The following POU6F1 variants were observed in gnomAD, a reference collection of about 807,000 sequenced individuals.
POU6F1 encodes POU class 6 homeobox 1.
Under a neutral mutation model 28.9 loss-of-function variants are expected in POU6F1, and 9 were observed. The ratio of observed to expected loss-of-function variants is 0.31; its 90% CI spans 0.19 to 0.54. The LOEUF is 0.54. POU6F1 is among the 20% of genes least tolerant of loss of function. The probability of loss-of-function intolerance (pLI) is 0.94; values close to 1 mark genes in which losing one functional copy is unlikely to be tolerated. For synonymous variants in POU6F1, 173 were observed against 171.1 expected, an observed-to-expected ratio of 1.01 and a Z score of -0.09; for missense variants, 338 against 426.1, an observed-to-expected ratio of 0.79 and a Z score of 1.82.
Position 51,197,966 on chromosome 12 carries a change from T to C in POU6F1, c.650A>G (p.Gln217Arg), listed in dbSNP as rs1375931956. ...CCGGGGTTGGGCCGTCGAGGAGGCCTGTACTGGTGCGGCAGCTTGTACCGG... is the reference window on the plus strand; with the variant it reads ...CCGGGGTTGGGCCGTCGAGGAGGCCCGTACTGGTGCGGCAGCTTGTACCGG... ...PAPVQAAAPV[Q>R]ASSTAQPRPP... is the part of the protein sequence containing the mutation. Residue 217 changes from glutamine to arginine, a missense_variant, in exon 6 of 11, where the codon CAG becomes CGG. Around this residue, in one of 3 missense-constraint regions of POU6F1, gnomAD observed 206 missense variants for 225.6 expected, o/e 0.91. Coordinates refer to ENST00000333640, the MANE Select transcript of POU6F1 (RefSeq NM_001330422.2). 4 of 401,136 alleles carry C rather than the reference T, an allele frequency of 1.0e-5. No individual in the cohort carries two copies. Among genetic ancestry groups the C allele is most frequent in the East Asian group, 7.1e-5 (2 of 28,122 alleles). The allele number at this position is 401,136 out of a possible 1,614,324, so 24.8% of individuals were successfully genotyped here.
chr12:51,212,756 A>G (rs1944075274), intron 1 of POU6F1, among the ~76,000 whole-genome samples: 1 of 145,972 alleles, frequency 6.9e-6, no homozygotes, highest in South Asian at 2.3e-4. Context: ...AGCCTGGGCA[A>G]CAAGAGTGAA....
At chr12:51,211,313 C>G (rs1018420692) in intron 1 of POU6F1, among the ~76,000 whole-genome samples, 2 of 152,196 alleles carry the variant, frequency 1.3e-5, no homozygotes, top group Non-Finnish European at 2.9e-5. Flanking sequence ...AGAGCCAGAG[C>G]CCACCAAGGG....
At position 51,190,043 on chromosome 12, in the gene POU6F1, G is replaced by A. The variant is rs765412703; in HGVS notation, c.*204C>T. On this transcript the variant is annotated 3_prime_UTR_variant, in exon 11 of 11. Transcript: ENST00000333640. The surrounding 1 kb of genome is among the most constrained non-coding windows in gnomAD (Gnocchi z 4.5). The stretch of plus-strand genomic sequence containing the variant: ...GACCAGCCCAGAGCCTGGAGCTCTC[G>A]TGTGGCCCCCTCTGGCCTCCCCATG... The A allele has an allele frequency of 2.1e-4, 197 of 930,494 alleles. No homozygotes were observed. The highest frequency in any genetic ancestry group is 3.5e-4 in the Middle Eastern group (1 of 2,882). The allele number at this position is 930,494 out of a possible 1,614,324, so 57.6% of individuals were successfully genotyped here.
rs1348942475 is a variant in POU6F1, at chr12:51,217,190, C to T, written c.-48+452G>A. On this transcript the variant is annotated intron_variant, in intron 1 of 10. Coordinates refer to ENST00000333640, the MANE Select transcript of POU6F1 (RefSeq NM_001330422.2). This position sits in a 1 kb window ranked among gnomAD's most constrained non-coding sequence, Gnocchi z 5.3. ...CCTGGCCGCCCCAGCTGGCCCTAACCGCCGGGAACCCAGGCGTCCGTGTTC... is the reference window on the plus strand; with the variant it reads ...CCTGGCCGCCCCAGCTGGCCCTAACTGCCGGGAACCCAGGCGTCCGTGTTC... 1.3e-5 allele frequency among the ~76,000 whole-genome samples: 2 copies of T among 152,160 alleles called. No homozygotes were observed.
intron 1 of POU6F1, among the ~76,000 whole-genome samples, chr12:51,216,958 C>A (rs1944319317): frequency 6.6e-6 from 1 of 152,092 alleles, no homozygotes; most frequent in Non-Finnish European, 1.5e-5. Context: ...GCCAGGTGAG[C>A]CTGCCCAGGG....
rs1943082281 is a variant in POU6F1, at chr12:51,199,695, T to C, written c.366+52A>G. On this transcript the variant is annotated intron_variant, in intron 4 of 10. Transcript: ENST00000333640. The surrounding 1 kb of genome is among the most constrained non-coding windows in gnomAD (Gnocchi z 4.1). ...TGGCTTCCCCATGCTGGCTGTCCCA[T>C]GCCTCGCTCCTGCCCCCGGCCTTCT... 1 of 399,034 alleles carries C rather than the reference T, an allele frequency of 2.5e-6. No homozygotes were observed. The allele number at this position is 399,034 out of a possible 1,614,324, so 24.7% of individuals were successfully genotyped here.
intron 2 of POU6F1, among the ~76,000 whole-genome samples, chr12:51,206,071 G>A (rs1474331470): frequency 6.8e-6 from 1 of 146,774 alleles, no homozygotes; most frequent in Non-Finnish European, 1.5e-5. Context: ...CACCCACCTC[G>A]GCCTCCCAAA....
In POU6F1 at chr12:51,190,805, G is replaced by A. The variant is rs1366052809; in HGVS notation, c.1491-213C>T. Among the ~76,000 whole-genome samples the A allele has an allele frequency of 6.6e-6, 1 of 152,110 alleles. No individual in the cohort carries two copies. The highest frequency in any genetic ancestry group is 6.6e-5 in the Admixed American group (1 of 15,260). On this transcript the variant is annotated intron_variant, in intron 10 of 10. Transcript: ENST00000333640. The surrounding 1 kb of genome is among the most constrained non-coding windows in gnomAD (Gnocchi z 4.5). Reference sequence around the variant, plus strand: ...CCCTCTGATGTGCCCGGTCCTAACAGGGAAACCATTCCCACGGCCTCGGCT... The same window carrying A: ...CCCTCTGATGTGCCCGGTCCTAACAAGGAAACCATTCCCACGGCCTCGGCT...
At chr12:51,206,965 G>A (rs1251789781) in intron 1 of POU6F1, 82 bp from the exon 2 acceptor site, 1 of 378,648 alleles carries the variant, frequency 2.6e-6, no homozygotes, top group East Asian at 3.8e-5. Flanking sequence ...AGTCAGAATA[G>A]AATCACAGAA....
chr12:51,194,511 C>T (rs929733247), intron 8 of POU6F1, among the ~76,000 whole-genome samples: 2 of 152,032 alleles, frequency 1.3e-5, no homozygotes, highest in African/African-American at 2.4e-5. Flanking sequence ...TGTGGTGGTG[C>T]ACACCTGTAG....
At chr12:51,205,471 T>C (rs1044550781) in intron 2 of POU6F1, among the ~76,000 whole-genome samples, 1 of 152,156 alleles carries the variant, frequency 6.6e-6, no homozygotes, top group African/African-American at 2.4e-5. Flanking sequence ...GAACACTCAG[T>C]CTCCCTCCCC....
Position 51,197,848 on chromosome 12 carries a change from A to G in POU6F1, c.768T>C (p.Ala256=). ...TGTCCACTGGCTTGGGGGTAGGGGCAGCAGCGGTGGCAGCAGTGGGCTGCG... is the reference window on the plus strand; with the variant it reads ...TGTCCACTGGCTTGGGGGTAGGGGCGGCAGCGGTGGCAGCAGTGGGCTGCG... ...ILPQPTAATA[A]APTPKPVDTP... is the part of the protein sequence containing the mutation. The change falls in exon 6 of 11, where the codon GCT becomes GCC. Residue 256 remains alanine, a synonymous_variant. Coordinates refer to ENST00000333640, the MANE Select transcript of POU6F1 (RefSeq NM_001330422.2). 1 of 403,626 alleles carries G rather than the reference A, an allele frequency of 2.5e-6. No individual in the cohort carries two copies. The highest frequency in any genetic ancestry group is 4.4e-6 in the Non-Finnish European group (1 of 229,040). 25.0% of individuals were successfully genotyped at this position (403,626 alleles called of 1,614,324 possible).
chr12:51,194,000 A>T (rs1942631680), intron 8 of POU6F1, among the ~76,000 whole-genome samples: 1 of 151,958 alleles, frequency 6.6e-6, no homozygotes, highest in South Asian at 2.1e-4. Flanking sequence ...GCCTCACCAC[A>T]GTCCAGTTCT....
At position 51,199,151 on chromosome 12, in the gene POU6F1, TGGTCAAGGCCCCGCAGAGGCTAATGGA is replaced by T. The variant is rs1943038226; in HGVS notation, c.367-403_367-377del. 2.5e-3 allele frequency among the ~76,000 whole-genome samples: 1 copy of T among 400 alleles called. No individual in the cohort carries two copies. The highest frequency in any genetic ancestry group is 0.01 in the African/African-American group (1 of 98). The allele number at this position is 400 out of a possible 152,430, so 0.3% of individuals were successfully genotyped here. On this transcript the variant is annotated intron_variant, in intron 4 of 10. Transcript: ENST00000333640. The surrounding 1 kb of genome is among the most constrained non-coding windows in gnomAD (Gnocchi z 4.1). ...GGGAGCAGAGGCTGATGGAACCAAG[TGGTCAAGGCCCCGCAGAGGCTAATGGA>T]ACCAAGTGGTCAAGGCCCCGCAGAG...
At chr12:51,194,077 A>T (rs1942637035) in intron 8 of POU6F1, among the ~76,000 whole-genome samples, 1 of 152,056 alleles carries the variant, frequency 6.6e-6, no homozygotes, top group Non-Finnish European at 1.5e-5. Flanking sequence ...CCCAGGCTGG[A>T]GTGCAGTAGC....
intron 2 of POU6F1, among the ~76,000 whole-genome samples, chr12:51,206,258 C>T (rs1249554564): frequency 1.3e-5 from 2 of 150,870 alleles, no homozygotes; most frequent in African/African-American, 4.9e-5. Context: ...CCCATCTCTA[C>T]TAAAAATACA....
Position 51,192,599 on chromosome 12 carries a change from G to A in POU6F1, c.1180-128C>T. The A allele has an allele frequency of 9.7e-6, 12 of 1,239,360 alleles. No individual in the cohort carries two copies. The South Asian group carries it at 1.8e-4, about 19-fold the overall frequency. 76.8% of individuals were successfully genotyped at this position (1,239,360 alleles called of 1,614,324 possible). A position where few individuals can be genotyped will look rare whatever the true frequency, so the allele number is the denominator to read the frequency against. ...TCACGCATGCAGGACATTCCCGCCT[G>A]GGCTCTATCATAAAACAAGACTAGG... On this transcript the variant is annotated intron_variant, in intron 8 of 10. Coordinates refer to ENST00000333640, the MANE Select transcript of POU6F1 (RefSeq NM_001330422.2).
chr12:51,195,739 C>G (rs957680136), intron 8 of POU6F1, among the ~76,000 whole-genome samples: 1 of 152,172 alleles, frequency 6.6e-6, no homozygotes, highest in Non-Finnish European at 1.5e-5. Flanking sequence ...CTGAGGGCAC[C>G]TATACATATT....
chr12:51,204,112 A>G, intron 3 of POU6F1, 61 bp downstream of exon 3: 1 of 398,950 alleles, frequency 2.5e-6, no homozygotes, highest in Non-Finnish European at 4.4e-6. Flanking sequence ...CTCCCCAGGG[A>G]CCACAGGAGG....
Sources: gnomAD v4.1 joint callset for allele counts (sites outside exome capture counted in the v4.1 genomes callset) on GRCh38, gnomAD v4.1.1 for gene constraint, gnomAD v4.1.1 regional missense constraint, Gnocchi (gnomAD v3.1) non-coding constraint, MANE v1.5 for transcripts, NCBI Gene and HGNC (gene_info 2026-07-23, HGNC 2026-07-21) for gene names.